MAT2B: variants seen among roughly 807,000 people sequenced by gnomAD.
MAT2B encodes methionine adenosyltransferase 2 non-catalytic beta subunit.
In MAT2B, 16 loss-of-function variants were observed where a neutral mutation model predicts 36.1. The ratio of observed to expected loss-of-function variants is 0.44; its 90% CI spans 0.30 to 0.67. MAT2B has a LOEUF of 0.67. Ranked by LOEUF, MAT2B falls within the 30% of genes least tolerant of loss-of-function variation. The probability of loss-of-function intolerance (pLI) is 0.09; values close to 1 mark genes in which losing one functional copy is unlikely to be tolerated. For missense variants in MAT2B, 332 were observed against 398.2 expected (o/e 0.83, Z 1.42); for synonymous variants, 148 against 136.9 (o/e 1.08, Z -0.57).
chr5:163,503,254 AT>A (rs1454164068), upstream of MAT2B: 6 of 698,940 alleles, frequency 8.6e-6, no homozygotes, highest in Non-Finnish European at 1.5e-5. Flanking sequence ...CAAAATGCTA[AT>A]TTAAAAGGTC....
At chr5:163,506,693 A>C (rs184081168) in intron 1 of MAT2B, among the ~76,000 whole-genome samples, 3 of 152,308 alleles carry the variant, frequency 2.0e-5, no homozygotes, top group Admixed American at 6.5e-5. Context: ...TTAAACCTCT[A>C]TGTTCCTAGG....
intron 4 of MAT2B, among the ~76,000 whole-genome samples, chr5:163,515,770 C>CT (rs66978639): frequency 0.013 from 932 of 69,762 alleles, 98 homozygotes; most frequent in African/African-American, 0.051. Context: ...TTGCCTTTTT[C>CT]TTTTTTTTTT....
chr5:163,518,527 A>C lies in MAT2B; in HGVS notation c.*164A>C, dbSNP rs1241727602. On this transcript the variant is annotated 3_prime_UTR_variant, in exon 7 of 7. Transcript: ENST00000321757. ...CTAGTGAAATTGTCTAAAGAAACTA[A>C]AGGGCAGTCATGCCCTGTTTGCAGT... 3 of 545,770 alleles carry C rather than the reference A, an allele frequency of 5.5e-6. No homozygotes were observed. Among genetic ancestry groups the C allele is most frequent in the Non-Finnish European group, 9.2e-6 (3 of 327,766 alleles). 33.8% of individuals were successfully genotyped at this position (545,770 alleles called of 1,614,324 possible).
intron 2 of MAT2B, 52 bp from the exon 3 acceptor site, chr5:163,513,503 T>G: frequency 9.8e-7 from 1 of 1,023,834 alleles, no homozygotes; most frequent in East Asian, 2.4e-5. Flanking sequence ...AAGGCTGTAA[T>G]ACCTCTTTCA....
chr5:163,518,096 A>T, intron 6 of MAT2B, 97 bp from the exon 7 acceptor site: 1 of 817,480 alleles, frequency 1.2e-6, no homozygotes, highest in South Asian at 2.1e-5. Flanking sequence ...CTGTTTAAAA[A>T]TATATACATA....
chr5:163,503,306 C>T (rs1759877082), upstream of MAT2B: 7 of 1,249,578 alleles, frequency 5.6e-6, no homozygotes, highest in East Asian at 4.7e-5. Context: ...CCTGCGCTCT[C>T]TGCAGGCAGA....
intron 1 of MAT2B, among the ~76,000 whole-genome samples, chr5:163,509,115 C>A (rs1170800363): frequency 6.6e-6 from 1 of 152,064 alleles, no homozygotes; most frequent in Non-Finnish European, 1.5e-5. Flanking sequence ...TCTTAAGTTG[C>A]ATTAAGTTAG....
intron 1 of MAT2B, among the ~76,000 whole-genome samples, chr5:163,506,066 T>C (rs892122949): frequency 6.6e-6 from 1 of 152,200 alleles, no homozygotes; most frequent in Admixed American, 6.5e-5. Flanking sequence ...GATTTTGGTT[T>C]TCCCCGTTTA....
At chr5:163,509,526 C>T (rs1760003633) in intron 1 of MAT2B, among the ~76,000 whole-genome samples, 1 of 152,072 alleles carries the variant, frequency 6.6e-6, no homozygotes, top group South Asian at 2.1e-4. Flanking sequence ...GATCTAAAAG[C>T]CCTCCAGGTG....
intron 1 of MAT2B, 53 bp downstream of exon 1, chr5:163,505,802 C>A: frequency 8.1e-7 from 1 of 1,234,696 alleles, no homozygotes; most frequent in Non-Finnish European, 1.0e-6. Context: ...CCGAGGGGGA[C>A]GAGCCACCGG....
chr5:163,513,011 G>A, intron 2 of MAT2B: 2 of 207,266 alleles, frequency 9.6e-6, no homozygotes, highest in South Asian at 1.2e-4. Flanking sequence ...TTTCAGACAG[G>A]GTCTCACTCT....
chr5:163,511,078 ATGT>A lies in MAT2B; in HGVS notation c.64-919_64-917del, dbSNP rs1317739965. Among the ~76,000 whole-genome samples, 55 of 152,192 alleles carry A rather than the reference ATGT, an allele frequency of 3.6e-4. 1 individual carries two copies. Among genetic ancestry groups the A allele is most frequent in the African/African-American group, 1.3e-3 (53 of 41,446 alleles). On this transcript the variant is annotated intron_variant, in intron 1 of 6. Coordinates refer to ENST00000321757, the MANE Select transcript of MAT2B (RefSeq NM_013283.5). ...AAAGTCTTATAAACTGAAGAATGTA[ATGT>A]TGTTATTTACTATTTAGGTACTTGG...
upstream of MAT2B, chr5:163,505,431 G>C: frequency 2.4e-6 from 2 of 843,772 alleles, no homozygotes; most frequent in East Asian, 6.8e-5. Context: ...CTAAGGTCAG[G>C]GCCTTTCTTT....
rs780730723 is a variant in MAT2B at position 163,516,687 on chromosome 5, G to A, written c.696G>A (p.Arg232=). The A allele has an allele frequency of 3.7e-6, 6 of 1,614,184 alleles. No individual in the cohort carries two copies. The Admixed American group carries it at 6.7e-5, about 18-fold the overall frequency. Residue 232 remains arginine (R), a synonymous_variant, in exon 5 of 7, where the codon CGG becomes CGA. Coordinates refer to ENST00000321757, the MANE Select transcript of MAT2B (RefSeq NM_013283.5). ...TCAAAGATGTGGCCACTGTGTGCCG[G>A]CAGCTAGCAGAGAAGAGAATGCTGG... The part of the protein sequence containing the change: ...THVKDVATVC[R]QLAEKRMLDP...
intron 5 of MAT2B, chr5:163,517,159 G>T: frequency 4.8e-6 from 1 of 210,526 alleles, no homozygotes; most frequent in Non-Finnish European, 9.5e-6. Flanking sequence ...ATTATATTTT[G>T]TAATATATAA....
At chr5:163,512,475 T>C in intron 2 of MAT2B, 1 of 469,404 alleles carries the variant, frequency 2.1e-6, no homozygotes. Context: ...TTTCAAATGT[T>C]ACTGTAAACC....
At chr5:163,514,588 T>G (rs1379297210) in intron 4 of MAT2B, among the ~76,000 whole-genome samples, 1 of 149,962 alleles carries the variant, frequency 6.7e-6, no homozygotes, top group African/African-American at 2.5e-5. Context: ...TTTCAAAAAA[T>G]GTATGCATGT....
chr5:163,507,885 G>A (rs1211181032), intron 1 of MAT2B, among the ~76,000 whole-genome samples: 1 of 152,180 alleles, frequency 6.6e-6, no homozygotes, highest in East Asian at 1.9e-4. Context: ...AAACTATTCG[G>A]ACTCCTCGTG....
At chr5:163,503,257 T>G (rs990927196), upstream of MAT2B, 11 of 707,396 alleles carry the variant, frequency 1.6e-5, no homozygotes, top group Non-Finnish European at 2.5e-5. Context: ...AATGCTAATT[T>G]AAAAGGTCAA....
Sources: gnomAD v4.1 joint callset for allele counts (sites outside exome capture counted in the v4.1 genomes callset) on GRCh38, gnomAD v4.1.1 for gene constraint, MANE v1.5 for transcripts, NCBI Gene and HGNC (gene_info 2026-07-23, HGNC 2026-07-21) for gene names.